SLC9A7: variants seen among roughly 807,000 people sequenced by gnomAD.
SLC9A7 encodes the protein sodium/hydrogen exchanger 7.
In SLC9A7, 19 loss-of-function variants were observed where a neutral mutation model predicts 52.6. The ratio of observed to expected loss-of-function variants is 0.36; its 90% CI spans 0.25 to 0.53. The LOEUF (loss-of-function observed/expected upper bound fraction) is 0.53, where lower values mean the gene tolerates loss of function less well. SLC9A7 is among the 20% of genes least tolerant of loss of function. The pLI, the probability that SLC9A7 is intolerant of heterozygous loss-of-function variation, is 0.91. For synonymous variants in SLC9A7, 226 were observed against 252.1 expected, an observed-to-expected ratio of 0.90 and a Z score of 0.98; for missense variants, 455 against 597.9, an observed-to-expected ratio of 0.76 and a Z score of 2.49.
intron 12 of SLC9A7, among the ~76,000 whole-genome samples, chrX:46,641,326 A>G (rs1455634008): frequency 7.2e-5 from 8 of 110,360 alleles, no homozygotes; most frequent in Non-Finnish European, 1.5e-4. Flanking sequence ...TCAACTCTCT[A>G]CTCTCAATGG....
At chrX:46,662,347 T>TA (rs1943838341) in intron 6 of SLC9A7, among the ~76,000 whole-genome samples, 190 bp from the exon 7 acceptor site, 1 of 112,114 alleles carries the variant, frequency 8.9e-6, no homozygotes. Context: ...GCCACCATGT[T>TA]ACGCTGGTGT....
intron 1 of SLC9A7, among the ~76,000 whole-genome samples, chrX:46,692,628 G>C (rs1375585879): frequency 9.0e-6 from 1 of 111,464 alleles, no homozygotes; most frequent in Non-Finnish European, 1.9e-5. Flanking sequence ...TTAAAGTACA[G>C]GTGTCTAGAG....
chrX:46,607,313 G>A, intron 16 of SLC9A7, 110 bp from the exon 17 acceptor site: 1 of 909,616 alleles, frequency 1.1e-6, no homozygotes. Flanking sequence ...TGGGGACTAT[G>A]AAACTTGCCT....
In SLC9A7 at chrX:46,708,529, C is replaced by CA. The variant is rs1248029701; in HGVS notation, c.326-25995dup. On this transcript the variant is annotated intron_variant, in intron 1 of 16. Coordinates refer to ENST00000616978, the MANE Select transcript of SLC9A7 (RefSeq NM_001257291.2). The stretch of plus-strand genomic sequence containing the variant: ...TGGGCGACAGAGTGAGACTCCGTCT[C>CA]AAAAAAAAAAAAAGAGGTACTCAAA... 5.8e-3 allele frequency among the ~76,000 whole-genome samples: 494 copies of CA among 85,065 alleles called. 2 individuals are homozygous for CA. The highest frequency in any genetic ancestry group is 0.017 in the African/African-American group (395 of 23,079). 73.9% of individuals were successfully genotyped at this position (85,065 alleles called of 115,157 possible). A position where few individuals can be genotyped will look rare whatever the true frequency, so the allele number is the denominator to read the frequency against.
intron 1 of SLC9A7, among the ~76,000 whole-genome samples, chrX:46,740,589 A>G (rs1025725992): frequency 9.0e-6 from 1 of 111,687 alleles, no homozygotes; most frequent in Non-Finnish European, 1.9e-5. Context: ...TAATATATAC[A>G]TTGTATATGT....
In SLC9A7 at chrX:46,643,104, C is replaced by T. The variant is rs139237674; in HGVS notation, c.1616+132G>A. ...ATTGTTTTAAAAAAAATTGTTAATC[C>T]CCCCTCACAAACAAAACCAAAGACT... On this transcript the variant is annotated intron_variant, in intron 12 of 16. Transcript: ENST00000616978. 1.2e-3 allele frequency: 657 copies of T among 536,697 alleles called. 1 individual carries two copies. The highest frequency in any genetic ancestry group is 3.2e-3 in the Admixed American group (76 of 23,531). The allele number at this position is 536,697 out of a possible 1,213,427, so 44.2% of individuals were successfully genotyped here.
At chrX:46,707,269 C>T (rs1213040813) in intron 1 of SLC9A7, among the ~76,000 whole-genome samples, 2 of 112,041 alleles carry the variant, frequency 1.8e-5, no homozygotes, top group Non-Finnish European at 3.8e-5. Flanking sequence ...ATGAGATTTC[C>T]CTGATATCAT....
At chrX:46,681,455 G>A (rs764926286) in intron 2 of SLC9A7, among the ~76,000 whole-genome samples, 17 of 112,364 alleles carry the variant, frequency 1.5e-4, no homozygotes, top group Non-Finnish European at 2.6e-4. Context: ...AGATGGTCAT[G>A]TTTAATGCTC....
At chrX:46,705,550 C>A (rs1250546621) in intron 1 of SLC9A7, among the ~76,000 whole-genome samples, 2 of 111,110 alleles carry the variant, frequency 1.8e-5, no homozygotes, top group African/African-American at 3.3e-5. Context: ...AGTTTGAGAC[C>A]AGCTGGGCAA....
intron 15 of SLC9A7, among the ~76,000 whole-genome samples, chrX:46,620,728 G>A (rs772040624): frequency 8.9e-5 from 10 of 112,167 alleles, no homozygotes; most frequent in African/African-American, 2.6e-4. Context: ...AAGCTCTTAA[G>A]AGCCACATGA....
At chrX:46,729,616 A>G (rs1179303335) in intron 1 of SLC9A7, among the ~76,000 whole-genome samples, 1 of 110,605 alleles carries the variant, frequency 9.0e-6, no homozygotes, top group East Asian at 2.8e-4. Flanking sequence ...TCTACTAAAA[A>G]TACAAAATTA....
chrX:46,669,805 T>TC lies in SLC9A7; in HGVS notation c.681-87dup, dbSNP rs1943989441. ...AAGCAGAATAGCACTAGAATGCTGC[T>TC]CTTAGAGATTTATGAAAACAACAGG... On this transcript the variant is annotated intron_variant, in intron 4 of 16. Coordinates refer to ENST00000616978, the MANE Select transcript of SLC9A7 (RefSeq NM_001257291.2). 3.9e-5 allele frequency: 16 copies of TC among 407,574 alleles called. No individual in the cohort carries two copies. In the East Asian group the frequency reaches 6.9e-4, roughly 18 times the overall value. 33.6% of individuals were successfully genotyped at this position (407,574 alleles called of 1,213,427 possible).
At chrX:46,666,534 T>C (rs1355652030) in intron 5 of SLC9A7, among the ~76,000 whole-genome samples, 1 of 112,524 alleles carries the variant, frequency 8.9e-6, no homozygotes. Context: ...GTTAATGTCC[T>C]GATGCTTAAT....
At chrX:46,624,552 C>T (rs757656281) in intron 14 of SLC9A7, among the ~76,000 whole-genome samples, 1 of 112,370 alleles carries the variant, frequency 8.9e-6, no homozygotes, top group Admixed American at 9.4e-5. Context: ...GTGGCAAGCA[C>T]TCAACAAATA....
intron 7 of SLC9A7, among the ~76,000 whole-genome samples, chrX:46,660,529 AAAC>A (rs1943795359): frequency 9.0e-6 from 1 of 110,595 alleles, no homozygotes; most frequent in African/African-American, 3.3e-5. Flanking sequence ...TACAAGAAAA[AAAC>A]AAACAACCCC....
At chrX:46,629,648 A>G (rs187287136) in intron 14 of SLC9A7, among the ~76,000 whole-genome samples, 1 of 111,889 alleles carries the variant, frequency 8.9e-6, no homozygotes, top group East Asian at 2.8e-4. Flanking sequence ...ATCTCTCCAA[A>G]TCTTATGATC....
rs768962104 is a variant in SLC9A7, at chrX:46,605,556, T to A, written c.*1396A>T. ...GAGCTTTCTAGTGGGCTGAAAATAC[T>A]TAATGTTCCATTGTTTGCCCTCTGA... On this transcript the variant is annotated 3_prime_UTR_variant, in exon 17 of 17. Coordinates refer to ENST00000616978, the MANE Select transcript of SLC9A7 (RefSeq NM_001257291.2). 8.9e-6 allele frequency: 1 copy of A among 112,146 alleles called. No homozygotes were observed. Among genetic ancestry groups the A allele is most frequent in the South Asian group, 3.7e-4 (1 of 2,719 alleles). The allele number at this position is 112,146 out of a possible 1,213,427, so 9.2% of individuals were successfully genotyped here.
chrX:46,723,553 T>G (rs779596422), intron 1 of SLC9A7, among the ~76,000 whole-genome samples: 77 of 110,471 alleles, frequency 7.0e-4, no homozygotes, highest in Non-Finnish European at 1.2e-3. Context: ...AAATACACCT[T>G]CCGACCTCAA....
At chrX:46,652,328 T>G (rs1381721127) in intron 8 of SLC9A7, among the ~76,000 whole-genome samples, 1 of 110,753 alleles carries the variant, frequency 9.0e-6, no homozygotes, top group East Asian at 2.8e-4. Flanking sequence ...TTTTTGTATT[T>G]TTTTGTAGAG....
Sources: allele counts gnomAD v4.1 joint callset (sites outside exome capture counted in the v4.1 genomes callset), GRCh38; gene constraint gnomAD v4.1.1; transcripts MANE v1.5; gene names NCBI Gene and HGNC (gene_info 2026-07-23, HGNC 2026-07-21).